APP: variants seen among roughly 807,000 people sequenced by gnomAD.
APP encodes the protein amyloid-beta precursor protein.
In APP, 31 loss-of-function variants were observed where a neutral mutation model predicts 101.4. The ratio of observed to expected loss-of-function variants is 0.31; its 90% CI spans 0.23 to 0.41. The LOEUF (loss-of-function observed/expected upper bound fraction) is 0.41, where lower values mean the gene tolerates loss of function less well. Among genes scored for constraint, APP ranks in the 10% least tolerant of loss-of-function variants. The pLI is 1.00. For missense variants in APP, 839 were observed against 1,003.7 expected (o/e 0.84, Z 2.22); for synonymous variants, 366 against 364.4 (o/e 1.00, Z -0.05).
chr21:25,957,818 C>T (rs755688525), intron 11 of APP, among the ~76,000 whole-genome samples: 1 of 151,958 alleles, frequency 6.6e-6, no homozygotes. Flanking sequence ...CCTGTCTCTA[C>T]AAGAAAATTT....
intron 11 of APP, among the ~76,000 whole-genome samples, chr21:25,973,976 C>T (rs1023338572): frequency 2.1e-5 from 3 of 142,274 alleles, no homozygotes; most frequent in Non-Finnish European, 4.5e-5. Context: ...AACAAGTGGA[C>T]ATAAGTTACA....
chr21:25,889,734 A>G (rs1372782602), intron 17 of APP, among the ~76,000 whole-genome samples: 2 of 152,094 alleles, frequency 1.3e-5, no homozygotes, highest in Non-Finnish European at 2.9e-5. Context: ...CCAGTTACTC[A>G]GGAGGCTGAG....
In APP at chr21:25,997,375, G is replaced by C. The variant is rs200772442; in HGVS notation, c.1075C>G (p.Arg359Gly). The change falls in exon 8 of 18, where the codon CGA (arginine) becomes GGA (glycine). Residue 359 changes from arginine to glycine, a missense_variant. Arg to Gly is a moderately radical substitution (Grantham distance 125, BLOSUM62 -2). Coordinates refer to ENST00000346798, the MANE Select transcript of APP (RefSeq NM_000484.4). ...GACAACGTACGTTTAACAGGATCTC[G>C]GGCAAGAGGTTCCTGGGTAGTCTTG... is the stretch of plus-strand genomic sequence containing the variant. ...LLKTTQEPLA[R>G]DPVKLPTTAA... is the part of the protein sequence containing the mutation. 10 of 1,613,878 alleles carry C rather than the reference G, an allele frequency of 6.2e-6. No homozygotes were observed. The highest frequency in any genetic ancestry group is 8.5e-6 in the Non-Finnish European group (10 of 1,179,806).
chr21:26,123,833 T>C (rs1395111221), intron 1 of APP, among the ~76,000 whole-genome samples: 4 of 152,184 alleles, frequency 2.6e-5, no homozygotes, highest in African/African-American at 9.7e-5. Flanking sequence ...GGCAATCTGA[T>C]ATTGACAATG....
At chr21:26,027,304 G>C (rs2044622548) in intron 5 of APP, among the ~76,000 whole-genome samples, 2 of 152,294 alleles carry the variant, frequency 1.3e-5, no homozygotes, top group Middle Eastern at 3.4e-3. Context: ...CCCAGAGTCA[G>C]AAGAGAGAGA....
chr21:25,926,832 T>C (rs894242060), intron 13 of APP, among the ~76,000 whole-genome samples: 2 of 151,836 alleles, frequency 1.3e-5, no homozygotes, highest in Non-Finnish European at 2.9e-5. Flanking sequence ...TGAAACCCCA[T>C]CTTTACTGAA....
chr21:26,059,882 C>T (rs2046197098), intron 3 of APP, among the ~76,000 whole-genome samples: 1 of 102,360 alleles, frequency 9.8e-6, no homozygotes, highest in African/African-American at 4.0e-5. Context: ...AAGAGCGAGA[C>T]TCCGTCTCAA....
chr21:25,887,517 GAAAA>G (rs199637906), intron 17 of APP, among the ~76,000 whole-genome samples: 20,731 of 114,430 alleles, frequency 0.18, 1,611 homozygotes, highest in African/African-American at 0.23. Context: ...CTGCTTATTT[GAAAA>G]AAAAAAAAAA....
intron 5 of APP, among the ~76,000 whole-genome samples, chr21:26,034,093 A>AT: frequency 6.6e-6 from 1 of 152,310 alleles, no homozygotes; most frequent in South Asian, 2.1e-4. Context: ...TTTTTAAACT[A>AT]AAGAGCTGCC....
Position 26,089,971 on chromosome 21 carries a change from G to C in APP, c.327C>G (p.Pro109=), listed in dbSNP as rs748106962. 1.9e-6 allele frequency: 3 copies of C among 1,614,058 alleles called. No homozygotes were observed. Among genetic ancestry groups the C allele is most frequent in the Middle Eastern group, 1.6e-4 (1 of 6,082 alleles). ...AGCAGCGGTAGGGAATCACAAAGTG[G>C]GGATGGGTCTTGCACTGCTTGCGGC... The part of the protein sequence containing the change: ...KRGRKQCKTH[P]HFVIPYRCLV... Residue 109 remains proline (P), a synonymous_variant, in exon 3 of 18, where the codon CCC becomes CCG. Transcript: ENST00000346798.
At chr21:26,052,859 A>G (rs2045891866) in intron 4 of APP, among the ~76,000 whole-genome samples, 1 of 152,252 alleles carries the variant, frequency 6.6e-6, no homozygotes, top group African/African-American at 2.4e-5. Context: ...TAAAGTTATA[A>G]CTATTAGAGA....
At position 25,911,738 on chromosome 21, in the gene APP, T is replaced by C. The variant is rs746950183; in HGVS notation, c.1909+3A>G. On this transcript the variant is annotated splice_donor_region_variant and intron_variant, in intron 14 of 17. Transcript: ENST00000346798. The stretch of plus-strand genomic sequence containing the variant: ...CGCCCTTGCTGGCTCAGGGGACTCT[T>C]ACCTTCGTTTTCTGTGTTGGCTGGC... The C allele has an allele frequency of 1.9e-6, 3 of 1,613,898 alleles. No homozygotes were observed. The African/African-American group carries it at 4.0e-5, about 22-fold the overall frequency.
At chr21:25,944,308 AT>A (rs2040711262) in intron 13 of APP, among the ~76,000 whole-genome samples, 1 of 152,130 alleles carries the variant, frequency 6.6e-6, no homozygotes, top group East Asian at 1.9e-4. Context: ...CTCTTCACAA[AT>A]AGTGTTTAGG....
rs2038799289 is a variant in APP at position 25,906,541 on chromosome 21, G to A, written c.1910-1464C>T. Among the ~76,000 whole-genome samples, 3 of 152,218 alleles carry A rather than the reference G, an allele frequency of 2.0e-5. 1 individual carries two copies. In the South Asian group the frequency reaches 6.2e-4, roughly 32 times the overall value. ...ATATCCTATGATTAAATATTCCATA[G>A]TAACTACTGATGCGAGAGTGACTAT... On this transcript the variant is annotated intron_variant, in intron 14 of 17. Coordinates refer to ENST00000346798, the MANE Select transcript of APP (RefSeq NM_000484.4).
At chr21:26,083,696 T>C (rs1464500799) in intron 3 of APP, among the ~76,000 whole-genome samples, 1 of 152,218 alleles carries the variant, frequency 6.6e-6, no homozygotes, top group African/African-American at 2.4e-5. Context: ...GACAATATCA[T>C]GCCAAATAAG....
intron 1 of APP, among the ~76,000 whole-genome samples, chr21:26,122,772 A>T (rs143171471): frequency 6.6e-6 from 1 of 151,706 alleles, no homozygotes; most frequent in Admixed American, 6.5e-5. Context: ...GATTTTAATA[A>T]AATTTTTTAT....
intron 2 of APP, among the ~76,000 whole-genome samples, chr21:26,110,139 G>T (rs553737965): frequency 6.6e-6 from 1 of 152,280 alleles, no homozygotes; most frequent in South Asian, 2.1e-4. Flanking sequence ...CACACAGAAT[G>T]TTCTTGTAAA....
At chr21:25,924,421 AAAAAAAG>A (rs112079495) in intron 13 of APP, among the ~76,000 whole-genome samples, 3,881 of 107,350 alleles carry the variant, frequency 0.036, 407 homozygotes, top group African/African-American at 0.13. Flanking sequence ...CAAAAAAAAA[AAAAAAAG>A]GAAAAAAAAA....
chr21:25,912,777 A>G (rs1366132814), intron 13 of APP, among the ~76,000 whole-genome samples: 1 of 152,202 alleles, frequency 6.6e-6, no homozygotes, highest in African/African-American at 2.4e-5. Context: ...GCTTTATGGA[A>G]CATCATTGAC....
Sources: allele counts gnomAD v4.1 joint callset (sites outside exome capture counted in the v4.1 genomes callset), GRCh38; gene constraint gnomAD v4.1.1; transcripts MANE v1.5; gene names NCBI Gene and HGNC (gene_info 2026-07-23, HGNC 2026-07-21).